Variants in FAM13A observed in about 807,000 individuals in gnomAD.
FAM13A encodes family with sequence similarity 13 member A.
In FAM13A, 76 loss-of-function variants were observed where a neutral mutation model predicts 129.6. That is an observed-to-expected ratio of 0.59 (90% CI 0.49 to 0.71). FAM13A has a LOEUF of 0.71. FAM13A is among the 30% of genes least tolerant of loss of function. FAM13A has a pLI of 0.00. For synonymous variants in FAM13A, 443 were observed against 449.9 expected, an observed-to-expected ratio of 0.98 and a Z score of 0.20; for missense variants, 1,108 against 1,249.3, an observed-to-expected ratio of 0.89 and a Z score of 1.70.
intron 7 of FAM13A, among the ~76,000 whole-genome samples, chr4:88,827,332 C>T (rs1224929636): frequency 1.3e-5 from 2 of 152,164 alleles, no homozygotes; most frequent in South Asian, 2.1e-4. Context: ...ATTCAATACA[C>T]GCATTCAATA....
chr4:88,929,428 C>T (rs183374973), intron 5 of FAM13A, among the ~76,000 whole-genome samples: 5 of 152,110 alleles, frequency 3.3e-5, no homozygotes, highest in African/African-American at 1.2e-4. Flanking sequence ...ATCTGGATGT[C>T]TAACTTTCTT....
intron 4 of FAM13A, among the ~76,000 whole-genome samples, chr4:88,949,263 A>G (rs1401639712): frequency 1.3e-5 from 2 of 152,220 alleles, no homozygotes; most frequent in African/African-American, 2.4e-5. Context: ...GCATCATTTG[A>G]TTAAGCAATA....
At chr4:88,842,620 G>A (rs889642085) in intron 7 of FAM13A, among the ~76,000 whole-genome samples, 3 of 152,236 alleles carry the variant, frequency 2.0e-5, no homozygotes, top group African/African-American at 7.2e-5. Flanking sequence ...CATATGTGCA[G>A]TACATAGATT....
intron 4 of FAM13A, among the ~76,000 whole-genome samples, chr4:88,963,470 G>A (rs1758919841): frequency 6.6e-6 from 1 of 151,958 alleles, no homozygotes; most frequent in African/African-American, 2.4e-5. Context: ...GCGAATTTTT[G>A]TATTTTTATT....
chr4:88,912,314 A>T (rs905776366), intron 5 of FAM13A, among the ~76,000 whole-genome samples: 2 of 152,086 alleles, frequency 1.3e-5, no homozygotes, highest in African/African-American at 4.8e-5. Context: ...GGTGAATTTG[A>T]TGTCTCTCCT....
intron 4 of FAM13A, among the ~76,000 whole-genome samples, chr4:88,969,623 C>T (rs780286436): frequency 8.5e-5 from 13 of 152,240 alleles, no homozygotes; most frequent in Non-Finnish European, 1.8e-4. Context: ...AACTTTTGCA[C>T]TGAACATTTT....
intron 7 of FAM13A, among the ~76,000 whole-genome samples, chr4:88,821,415 G>A (rs1435539808): frequency 6.6e-6 from 1 of 152,068 alleles, no homozygotes; most frequent in Non-Finnish European, 1.5e-5. Context: ...ATTCCTACTA[G>A]GTTCATTAAT....
In FAM13A at chr4:88,726,188, C is replaced by T. The variant is rs376949935; in HGVS notation, c.*2345G>A. On this transcript the variant is annotated 3_prime_UTR_variant, in exon 24 of 24. Coordinates refer to ENST00000264344, the MANE Select transcript of FAM13A (RefSeq NM_014883.4). ...TGGTTGCTGGGGAACACATCTCCCT[C>T]GGCAGAGCCAGAAACCACTGACTGA... The T allele has an allele frequency of 2.6e-5, 4 of 152,232 alleles. No homozygotes were observed. In the South Asian group the frequency reaches 6.2e-4, roughly 24 times the overall value. The allele number at this position is 152,232 out of a possible 1,614,324, so 9.4% of individuals were successfully genotyped here.
chr4:88,899,859 C>T (rs529032937), intron 6 of FAM13A, among the ~76,000 whole-genome samples: 1 of 151,966 alleles, frequency 6.6e-6, no homozygotes, highest in Admixed American at 6.6e-5. Context: ...CATGTTGTAA[C>T]CCACTGCAAA....
At chr4:88,928,228 T>C (rs1752505797) in intron 5 of FAM13A, among the ~76,000 whole-genome samples, 1 of 152,180 alleles carries the variant, frequency 6.6e-6, no homozygotes, top group Non-Finnish European at 1.5e-5. Flanking sequence ...TTTAAAAATT[T>C]ATAAAGACTT....
chr4:88,950,494 T>C (rs764394191), intron 4 of FAM13A, among the ~76,000 whole-genome samples: 1 of 152,220 alleles, frequency 6.6e-6, no homozygotes, highest in Non-Finnish European at 1.5e-5. Flanking sequence ...ATTACTATCA[T>C]TTTTAGTTCT....
chr4:88,927,909 G>C (rs1344612875), intron 5 of FAM13A, among the ~76,000 whole-genome samples: 1 of 151,924 alleles, frequency 6.6e-6, no homozygotes, highest in African/African-American at 2.4e-5. Flanking sequence ...CTTGGGATTT[G>C]CTTTGTCTTG....
intron 2 of FAM13A, among the ~76,000 whole-genome samples, chr4:89,024,214 T>C (rs1023684097): frequency 6.6e-6 from 1 of 152,104 alleles, no homozygotes; most frequent in Admixed American, 6.6e-5. Context: ...ACAGCACACT[T>C]TGGCCAGGGA....
intron 6 of FAM13A, among the ~76,000 whole-genome samples, chr4:88,882,598 TG>T (rs1743766640): frequency 7.2e-6 from 1 of 139,372 alleles, no homozygotes; most frequent in East Asian, 2.0e-4. Context: ...AAAAACACAA[TG>T]GAAAAAAAAA....
chr4:89,008,839 C>G (rs1448416095), intron 3 of FAM13A: 1 of 152,144 alleles, frequency 6.6e-6, no homozygotes, highest in Non-Finnish European at 1.5e-5. Flanking sequence ...CTATTTATAT[C>G]TACAATATTG....
intron 2 of FAM13A, among the ~76,000 whole-genome samples, chr4:89,027,244 C>T (rs970331575): frequency 6.6e-6 from 1 of 152,142 alleles, no homozygotes; most frequent in Non-Finnish European, 1.5e-5. Flanking sequence ...TGCAATGGCT[C>T]ACATCTATAA....
chr4:88,864,577 T>G (rs1579015655), intron 6 of FAM13A, among the ~76,000 whole-genome samples: 1 of 152,016 alleles, frequency 6.6e-6, no homozygotes, highest in East Asian at 1.9e-4. Context: ...CCCGGCTAAT[T>G]TTTTGTATTT....
chr4:88,732,592 T>G (rs1314898924), intron 21 of FAM13A: 1 of 156,420 alleles, frequency 6.4e-6, no homozygotes, highest in Non-Finnish European at 1.4e-5. Context: ...TAACCAGTGC[T>G]TGAAAGGATT....
chr4:89,045,400 C>T (rs1424603675), intron 1 of FAM13A, among the ~76,000 whole-genome samples: 1 of 152,096 alleles, frequency 6.6e-6, no homozygotes, highest in African/African-American at 2.4e-5. Flanking sequence ...TAACTGATGC[C>T]ACTTTATGCC....
Sources: allele counts gnomAD v4.1 joint callset (sites outside exome capture counted in the v4.1 genomes callset), GRCh38; gene constraint gnomAD v4.1.1; transcripts MANE v1.5; gene names NCBI Gene and HGNC (gene_info 2026-07-23, HGNC 2026-07-21).